The following SDK2 variants were observed in gnomAD, a reference collection of about 807,000 sequenced individuals.
SDK2 encodes the protein protein sidekick-2.
A neutral mutation model predicts 253.9 loss-of-function variants in SDK2; 105 were observed. The observed-to-expected ratio is 0.41, with a 90% CI of 0.35 to 0.49. The LOEUF is 0.49. SDK2 is among the 20% of genes least tolerant of loss of function. SDK2 has a pLI of 0.06. For missense variants in SDK2, 2,608 were observed against 3,003.0 expected, an observed-to-expected ratio of 0.87 and a Z score of 3.07; for synonymous variants, 1,249 against 1,234.9, an observed-to-expected ratio of 1.01 and a Z score of -0.24.
In SDK2 at chr17:73,379,061, G is replaced by T; in HGVS notation, c.4980+116C>A. 1.4e-6 allele frequency: 1 copy of T among 740,466 alleles called. No individual in the cohort carries two copies. Among genetic ancestry groups the T allele is most frequent in the Non-Finnish European group, 2.3e-6 (1 of 438,178 alleles). The allele number at this position is 740,466 out of a possible 1,614,324, so 45.9% of individuals were successfully genotyped here. A position where few individuals can be genotyped will look rare whatever the true frequency, so the allele number is the denominator to read the frequency against. ...ACAGAGCCTGAAGGGCCGAGGAGCT[G>T]GCTGGATGAATGGAGGGCCTGGGGA... is the stretch of plus-strand genomic sequence containing the variant. On this transcript the variant is annotated intron_variant, in intron 36 of 44. Coordinates refer to ENST00000392650, the MANE Select transcript of SDK2 (RefSeq NM_001144952.2). The surrounding 1 kb of genome is among the most constrained non-coding windows in gnomAD (Gnocchi z 4.5).
At chr17:73,384,214 G>A (rs1209240504) in intron 32 of SDK2, among the ~76,000 whole-genome samples, 1 of 152,156 alleles carries the variant, frequency 6.6e-6, no homozygotes, top group African/African-American at 2.4e-5. Flanking sequence ...CTAGAAGGAG[G>A]GAAGGGCAGG....
chr17:73,441,933 CGGGCCTCATGAGGGCCAATGAGGG>C (rs987632233), intron 5 of SDK2, among the ~76,000 whole-genome samples: 4 of 152,156 alleles, frequency 2.6e-5, no homozygotes, highest in Admixed American at 6.5e-5. Context: ...CCACGAGGGC[CGGGCCTCATGAGGGCCAATGAGGG>C]TCCCAAGGAA....
In SDK2 at chr17:73,570,256, T is replaced by G. The variant is rs1397388691; in HGVS notation, c.65-62659A>C. ...AAGCACAGCCCGGCCTCAACATGCA[T>G]CTCCTACCACCCCATAGGAGTGGTA... On this transcript the variant is annotated intron_variant, in intron 1 of 44. Coordinates refer to ENST00000392650, the MANE Select transcript of SDK2 (RefSeq NM_001144952.2). The surrounding 1 kb of genome is among the most constrained non-coding windows in gnomAD (Gnocchi z 4.2). Among the ~76,000 whole-genome samples the G allele has an allele frequency of 2.0e-5, 3 of 151,722 alleles. No individual in the cohort carries two copies. Among genetic ancestry groups the G allele is most frequent in the Non-Finnish European group, 2.9e-5 (2 of 67,924 alleles).
chr17:73,348,080 C>T (rs1389957598), intron 44 of SDK2, among the ~76,000 whole-genome samples: 1 of 152,224 alleles, frequency 6.6e-6, no homozygotes, highest in Non-Finnish European at 1.5e-5. Flanking sequence ...AGCTAGGATT[C>T]ACACTCAGGT....
chr17:73,482,537 A>G (rs2063732401), intron 2 of SDK2, among the ~76,000 whole-genome samples: 1 of 152,192 alleles, frequency 6.6e-6, no homozygotes. Flanking sequence ...CAATGAGAGG[A>G]TGGCGGTGTT....
intron 1 of SDK2, among the ~76,000 whole-genome samples, chr17:73,538,075 C>G (rs1369425063): frequency 6.6e-6 from 1 of 152,140 alleles, no homozygotes; most frequent in Non-Finnish European, 1.5e-5. Context: ...ACCTGGGAGA[C>G]AGACTTCTGA....
chr17:73,437,604 C>T (rs951618783), intron 8 of SDK2, 135 bp downstream of exon 8: 1 of 780,602 alleles, frequency 1.3e-6, no homozygotes, highest in South Asian at 1.5e-5. Context: ...GGTGCCTGCT[C>T]AGACAGCCAG....
chr17:73,343,645 G>A (rs543667093), intron 44 of SDK2, among the ~76,000 whole-genome samples: 3 of 152,318 alleles, frequency 2.0e-5, no homozygotes, highest in East Asian at 3.9e-4. Context: ...TGGGGTCTGC[G>A]GAGGGGGAGC....
chr17:73,636,017 A>G (rs1460065230), intron 1 of SDK2, among the ~76,000 whole-genome samples: 2 of 152,154 alleles, frequency 1.3e-5, no homozygotes, highest in African/African-American at 4.8e-5. Context: ...TCCAAACTCT[A>G]CACCCCTCCC....
At chr17:73,453,200 G>A (rs1424206198) in intron 4 of SDK2, among the ~76,000 whole-genome samples, 2 of 152,144 alleles carry the variant, frequency 1.3e-5, no homozygotes, top group Non-Finnish European at 2.9e-5. Flanking sequence ...GTATGTTCCT[G>A]TGCAGCACAG....
chr17:73,473,763 C>T (rs886127260), intron 2 of SDK2, among the ~76,000 whole-genome samples: 2 of 152,150 alleles, frequency 1.3e-5, no homozygotes, highest in Admixed American at 6.5e-5. Flanking sequence ...ACCAGTAACA[C>T]TTAAAAAAGT....
intron 1 of SDK2, among the ~76,000 whole-genome samples, chr17:73,615,723 G>A (rs987923967): frequency 1.2e-4 from 18 of 152,174 alleles, no homozygotes; most frequent in African/African-American, 4.3e-4. Context: ...AAGCTGGTCC[G>A]ACAGCCCACT....
rs1235864849 is a variant in SDK2, at chr17:73,352,203, G to T, written c.5758+270C>A. ...ATGAGTGCATGGAAGTTTGCATCTTGGGCCCTCTGCTCTGCCCCTACCCAG... is the reference window on the plus strand; with the variant it reads ...ATGAGTGCATGGAAGTTTGCATCTTTGGCCCTCTGCTCTGCCCCTACCCAG... On this transcript the variant is annotated intron_variant, in intron 41 of 44. Coordinates refer to ENST00000392650, the MANE Select transcript of SDK2 (RefSeq NM_001144952.2). The surrounding 1 kb of genome is among the most constrained non-coding windows in gnomAD (Gnocchi z 4.1). 6.6e-6 allele frequency among the ~76,000 whole-genome samples: 1 copy of T among 152,092 alleles called. No homozygotes were observed. Among genetic ancestry groups the T allele is most frequent in the Non-Finnish European group, 1.5e-5 (1 of 67,996 alleles).
chr17:73,580,617 C>A lies in SDK2; in HGVS notation c.64+63408G>T, dbSNP rs9910647. 5.5e-3 allele frequency among the ~76,000 whole-genome samples: 845 copies of A among 152,330 alleles called. 10 individuals carry two copies. The highest frequency in any genetic ancestry group is 0.018 in the African/African-American group (731 of 41,578). ...TGTTGCCATCTTGAAATTCTTAATG[C>A]CTTCATCTTTGAACTTGTGCTTTGT... On this transcript the variant is annotated intron_variant, in intron 1 of 44. Coordinates refer to ENST00000392650, the MANE Select transcript of SDK2 (RefSeq NM_001144952.2).
At chr17:73,608,142 C>T (rs1045837435) in intron 1 of SDK2, among the ~76,000 whole-genome samples, 18 of 152,186 alleles carry the variant, frequency 1.2e-4, no homozygotes, top group African/African-American at 3.1e-4. Flanking sequence ...TCTCCTTGGG[C>T]CCCTTGGGAC....
intron 13 of SDK2, 91 bp downstream of exon 13, chr17:73,423,825 G>T: frequency 1.9e-6 from 2 of 1,035,628 alleles, no homozygotes; most frequent in Non-Finnish European, 2.7e-6. Context: ...CGTGGCCTGG[G>T]GATCTGAAAA....
intron 15 of SDK2, among the ~76,000 whole-genome samples, chr17:73,420,851 T>A (rs1284048886): frequency 6.6e-6 from 1 of 151,836 alleles, no homozygotes; most frequent in African/African-American, 2.4e-5. Flanking sequence ...AATTTTTGTA[T>A]TTTTAGTAGA....
At position 73,562,299 on chromosome 17, in the gene SDK2, T is replaced by C. The variant is rs75688489; in HGVS notation, c.65-54702A>G. Among the ~76,000 whole-genome samples, 878 of 152,356 alleles carry C rather than the reference T, an allele frequency of 5.8e-3. 3 individuals carry two copies. The highest frequency in any genetic ancestry group is 0.027 in the Middle Eastern group (8 of 294). ...TTTATCGGACGTTTTGATATTTTGT[T>C]CCTTGTGGAATTTTTGCATTAATTT... On this transcript the variant is annotated intron_variant, in intron 1 of 44. Transcript: ENST00000392650.
intron 1 of SDK2, among the ~76,000 whole-genome samples, chr17:73,507,962 T>A (rs2063949136): frequency 6.6e-6 from 1 of 152,208 alleles, no homozygotes; most frequent in Non-Finnish European, 1.5e-5. Context: ...AGGGGCACTT[T>A]CTGTGGCCCA....
Sources: allele counts gnomAD v4.1 joint callset (sites outside exome capture counted in the v4.1 genomes callset), GRCh38; gene constraint gnomAD v4.1.1; non-coding constraint Gnocchi (gnomAD v3.1); transcripts MANE v1.5; gene names NCBI Gene and HGNC (gene_info 2026-07-23, HGNC 2026-07-21).